The following LAMA3 variants were observed in gnomAD, a reference collection of about 807,000 sequenced individuals.
LAMA3 encodes laminin subunit alpha-3.
Under a neutral mutation model 402.0 loss-of-function variants are expected in LAMA3, and 281 were observed. The observed-to-expected ratio is 0.70, with a 90% confidence interval of 0.63 to 0.77. The LOEUF (loss-of-function observed/expected upper bound fraction) is 0.77. Among genes scored for constraint, LAMA3 ranks in the 30% least tolerant of loss-of-function variants. The pLI is 0.00. For synonymous variants in LAMA3, 1,431 were observed against 1,558.4 expected (o/e 0.92, Z 1.93); for missense variants, 3,840 against 4,215.5 (o/e 0.91, Z 2.47).
intron 14 of LAMA3, among the ~76,000 whole-genome samples, chr18:23,813,553 C>CTTTTTTTTTTTTTTTTTT (rs1164123647): frequency 4.3e-5 from 5 of 115,006 alleles, no homozygotes; most frequent in African/African-American, 1.0e-4. Flanking sequence ...TCTTTTCTTT[C>CTTTTTTTTTTTTTTTTTT]TTTTTTTTTT....
At chr18:23,765,347 C>T (rs1282373468) in intron 8 of LAMA3, among the ~76,000 whole-genome samples, 1 of 152,170 alleles carries the variant, frequency 6.6e-6, no homozygotes, top group African/African-American at 2.4e-5. Context: ...ACTGACCCCT[C>T]AGTCCGTTTT....
At chr18:23,703,848 G>A (rs1032749777) in intron 1 of LAMA3, among the ~76,000 whole-genome samples, 2 of 152,152 alleles carry the variant, frequency 1.3e-5, no homozygotes, top group African/African-American at 4.8e-5. Flanking sequence ...TTTAGGATAC[G>A]TTCAGGAAAT....
chr18:23,905,519 C>G lies in LAMA3; in HGVS notation c.6616-3C>G. 6.4e-7 allele frequency: 1 copy of G among 1,556,726 alleles called. No individual in the cohort carries two copies. Among genetic ancestry groups the G allele is most frequent in the Non-Finnish European group, 8.9e-7 (1 of 1,128,666 alleles). ...TTAAGGCTGTTAAATGCTTTGCTTT[C>G]AGACAGTGATAAAGGAAGATCTGCC... On this transcript the variant is annotated splice_region_variant and splice_polypyrimidine_tract_variant and intron_variant, in intron 51 of 74. Coordinates refer to ENST00000313654, the MANE Select transcript of LAMA3 (RefSeq NM_198129.4).
At chr18:23,759,499 G>C (rs762140537) in intron 7 of LAMA3, among the ~76,000 whole-genome samples, 1 of 152,048 alleles carries the variant, frequency 6.6e-6, no homozygotes, top group African/African-American at 2.4e-5. Context: ...AGGTTCAAGC[G>C]GTTCTCCTGC....
chr18:23,731,963 G>T (rs2061401937), intron 2 of LAMA3, among the ~76,000 whole-genome samples: 1 of 152,142 alleles, frequency 6.6e-6, no homozygotes, highest in African/African-American at 2.4e-5. Flanking sequence ...TTTAGGAGAG[G>T]TAAGACATTG....
At chr18:23,791,999 T>G (rs562907967) in intron 12 of LAMA3, among the ~76,000 whole-genome samples, 1 of 152,308 alleles carries the variant, frequency 6.6e-6, no homozygotes, top group Non-Finnish European at 1.5e-5. Context: ...CAAGTCACCA[T>G]GTGCAGATTT....
Position 23,824,403 on chromosome 18 carries a change from G to T in LAMA3, c.2429-20G>T. The T allele has an allele frequency of 6.2e-7, 1 of 1,613,716 alleles. No individual in the cohort carries two copies. Among genetic ancestry groups the T allele is most frequent in the Non-Finnish European group, 8.5e-7 (1 of 1,179,712 alleles). On this transcript the variant is annotated intron_variant, in intron 20 of 74. Transcript: ENST00000313654. Reference sequence around the variant, plus strand: ...GACTGATAGAAAAATGCCTTAAGCAGTTCTTTGTATTTCTGATAGGTGCTG... The same window carrying T: ...GACTGATAGAAAAATGCCTTAAGCATTTCTTTGTATTTCTGATAGGTGCTG...
At chr18:23,736,637 A>G (rs749042022) in intron 2 of LAMA3, among the ~76,000 whole-genome samples, 1 of 152,136 alleles carries the variant, frequency 6.6e-6, no homozygotes. Context: ...AAGCTTTAAT[A>G]TTTCACATTT....
At chr18:23,709,724 A>C (rs2060954242) in intron 1 of LAMA3, 1 of 460,802 alleles carries the variant, frequency 2.2e-6, no homozygotes, top group African/African-American at 2.0e-5. Context: ...CCATCTGAGA[A>C]GTCCCATGGA....
intron 59 of LAMA3, 43 bp from the exon 60 acceptor site, chr18:23,916,508 C>T: frequency 6.2e-7 from 1 of 1,606,796 alleles, no homozygotes; most frequent in Non-Finnish European, 8.5e-7. Flanking sequence ...GCATGGTGAT[C>T]ATTTGCTGCT....
chr18:23,911,930 TA>T (rs960561799), intron 55 of LAMA3, among the ~76,000 whole-genome samples: 7 of 145,614 alleles, frequency 4.8e-5, no homozygotes, highest in Non-Finnish European at 9.0e-5. Context: ...ATATAATATA[TA>T]AAATTATATA....
chr18:23,740,512 G>T (rs1035750084), intron 2 of LAMA3, among the ~76,000 whole-genome samples: 1 of 151,898 alleles, frequency 6.6e-6, no homozygotes, highest in Admixed American at 6.6e-5. Context: ...TATTTCTCAG[G>T]CTCCTGTGGT....
chr18:23,904,457 A>G, intron 50 of LAMA3, 96 bp from the exon 51 acceptor site: 1 of 1,311,082 alleles, frequency 7.6e-7, no homozygotes. Context: ...AAAAAAAGAA[A>G]GAAAAAATAA....
chr18:23,899,362 G>T lies in LAMA3; in HGVS notation c.5911G>T (p.Ala1971Ser), dbSNP rs1477768795. ...TTCAGGTGACTTTTCCAGAGAGTGGGCTGAAGCCCAGCGCATGATGAGGGA... is the reference window on the plus strand; with the variant it reads ...TTCAGGTGACTTTTCCAGAGAGTGGTCTGAAGCCCAGCGCATGATGAGGGA... ...VPSGDFSREW[A>S]EAQRMMRELR... Residue 1971 changes from alanine to serine, a missense_variant, in exon 47 of 75, where the codon GCT becomes TCT. Around this residue, in one of 3 missense-constraint regions of LAMA3, gnomAD observed 891 missense variants for 857.5 expected, o/e 1.04. Coordinates refer to ENST00000313654, the MANE Select transcript of LAMA3 (RefSeq NM_198129.4). 6.2e-7 allele frequency: 1 copy of T among 1,614,032 alleles called. No individual in the cohort carries two copies. The highest frequency in any genetic ancestry group is 1.7e-5 in the Admixed American group (1 of 60,008).
intron 2 of LAMA3, among the ~76,000 whole-genome samples, chr18:23,728,945 C>T (rs1267457582): frequency 2.0e-5 from 3 of 149,074 alleles, no homozygotes; most frequent in East Asian, 2.0e-4. Flanking sequence ...ACGGGGTAAT[C>T]GCTTGAACCC....
At chr18:23,865,862 C>G (rs955449223) in intron 36 of LAMA3, among the ~76,000 whole-genome samples, 6 of 152,126 alleles carry the variant, frequency 3.9e-5, no homozygotes, top group African/African-American at 1.4e-4. Context: ...TCAGTGTGTG[C>G]AGAGTCATTG....
chr18:23,833,692 C>A (rs777324711), intron 23 of LAMA3, 136 bp from the exon 24 acceptor site: 6 of 907,264 alleles, frequency 6.6e-6, no homozygotes, highest in Non-Finnish European at 1.1e-5. Flanking sequence ...CCTGTAGGAC[C>A]ATATTCCTTA....
intron 40 of LAMA3, among the ~76,000 whole-genome samples, chr18:23,882,771 G>A (rs1054347032): frequency 3.9e-5 from 6 of 152,198 alleles, no homozygotes; most frequent in African/African-American, 1.4e-4. Context: ...TATGTGATGA[G>A]GAAGCTGAAG....
At chr18:23,777,799 C>A (rs760488596) in intron 11 of LAMA3, among the ~76,000 whole-genome samples, 180 bp downstream of exon 11, 1 of 152,164 alleles carries the variant, frequency 6.6e-6, no homozygotes, top group African/African-American at 2.4e-5. Context: ...TCCAGCCTGT[C>A]TTTTACAAGG....
Sources: allele counts gnomAD v4.1 joint callset (sites outside exome capture counted in the v4.1 genomes callset), GRCh38; gene constraint gnomAD v4.1.1; regional missense constraint gnomAD v4.1.1; transcripts MANE v1.5; gene names NCBI Gene and HGNC (gene_info 2026-07-23, HGNC 2026-07-21).